RASAL1: variants seen among roughly 807,000 people sequenced by gnomAD.
RASAL1 encodes RAS protein activator like 1, also known as rasGAP-activating-like protein 1.
RASAL1 carries 72 observed loss-of-function variants against 96.6 expected under a neutral mutation model. The observed-to-expected ratio is 0.75, with a 90% CI of 0.62 to 0.91. The LOEUF (loss-of-function observed/expected upper bound fraction) is 0.91. Ranked by LOEUF, RASAL1 falls within the 40% of genes least tolerant of loss-of-function variation. The pLI is 0.00. For missense variants in RASAL1, 1,016 were observed against 1,072.5 expected, an observed-to-expected ratio of 0.95 and a Z score of 0.74; for synonymous variants, 405 against 430.4, an observed-to-expected ratio of 0.94 and a Z score of 0.73.
intron 14 of RASAL1, 68 bp downstream of exon 14, chr12:113,108,017 G>C (rs893657800): frequency 6.5e-7 from 1 of 1,534,804 alleles, no homozygotes; most frequent in Non-Finnish European, 8.7e-7. Flanking sequence ...TGGCCTCCCA[G>C]CTCTGCTCCT....
At chr12:113,126,065 A>C (rs1179845959) in intron 4 of RASAL1, among the ~76,000 whole-genome samples, 1 of 152,136 alleles carries the variant, frequency 6.6e-6, no homozygotes, top group East Asian at 1.9e-4. Context: ...CAGATGGATC[A>C]CTCGAAGTCA....
rs1008599504 is a variant in RASAL1, at chr12:113,112,166, G to C, written c.1294C>G (p.Arg432Gly). ...IVDAIVGSVGRCPPAMRLAFK... is the reference protein window; with the variant it reads ...IVDAIVGSVGGCPPAMRLAFK... ...GCGAGGCGCATGGCGGGCGGGCAGC[G>C]CCCCACGGAGCCCACGATGGCGTCC... is the stretch of plus-strand genomic sequence containing the variant. The change falls in exon 13 of 21, where the codon CGC becomes GGC. Residue 432 changes from arginine (R) to glycine (G), a missense_variant. By Grantham distance (125) the Arg-to-Gly change is moderately radical (BLOSUM62 -2). Transcript: ENST00000548055. 4.2e-5 allele frequency: 53 copies of C among 1,253,876 alleles called. No homozygotes were observed. Among genetic ancestry groups the C allele is most frequent in the Non-Finnish European group, 5.0e-5 (50 of 991,766 alleles). 77.7% of individuals were successfully genotyped at this position (1,253,876 alleles called of 1,614,324 possible). A position where few individuals can be genotyped will look rare whatever the true frequency, so the allele number is the denominator to read the frequency against.
intron 4 of RASAL1, among the ~76,000 whole-genome samples, chr12:113,124,239 A>AAAAT (rs377263513): frequency 6.0e-4 from 83 of 137,714 alleles, no homozygotes; most frequent in Non-Finnish European, 8.8e-4. Context: ...AAAAAAAAAA[A>AAAAT]GTTACCACAA....
At position 113,127,806 on chromosome 12, in the gene RASAL1, G is replaced by A. The variant is rs376869468; in HGVS notation, c.298+6C>T. On this transcript the variant is annotated splice_donor_region_variant and intron_variant, in intron 4 of 20. Coordinates refer to ENST00000548055, the MANE Select transcript of RASAL1 (RefSeq NM_001301202.2). Reference sequence around the variant, plus strand: ...CCTCCTCCCTCTGCCCATGTCCCTCGCCCACCTCGGGGGTCGGCTGTAATC... The same window carrying A: ...CCTCCTCCCTCTGCCCATGTCCCTCACCCACCTCGGGGGTCGGCTGTAATC... 1.5e-5 allele frequency: 24 copies of A among 1,609,276 alleles called. No homozygotes were observed. The highest frequency in any genetic ancestry group is 2.0e-5 in the Non-Finnish European group (23 of 1,176,394).
intron 13 of RASAL1, among the ~76,000 whole-genome samples, chr12:113,111,787 T>A (rs1950872152): frequency 6.6e-6 from 1 of 151,710 alleles, no homozygotes; most frequent in Non-Finnish European, 1.5e-5. Context: ...AGAGACAGGG[T>A]TTCATCATGT....
intron 13 of RASAL1, 143 bp downstream of exon 13, chr12:113,111,943 G>T: frequency 1.4e-6 from 1 of 714,054 alleles, no homozygotes; most frequent in Non-Finnish European, 1.9e-6. Context: ...GACCCTGCCA[G>T]GAACGCTGTC....
rs140071990 is a variant in RASAL1, at chr12:113,104,362, C to A, written c.1831-64G>T. On this transcript the variant is annotated intron_variant, in intron 16 of 20. Coordinates refer to ENST00000548055, the MANE Select transcript of RASAL1 (RefSeq NM_001301202.2). The stretch of plus-strand genomic sequence containing the variant: ...CTAGGGCCGGGGTGGGGACACCTTC[C>A]GTCTGGTTGTGTGCAGCAGGTGGAG... 6.0e-3 allele frequency: 8,895 copies of A among 1,471,418 alleles called. 38 individuals carry two copies. Among genetic ancestry groups the A allele is most frequent in the Non-Finnish European group, 6.7e-3 (7,281 of 1,084,848 alleles). The allele number at this position is 1,471,418 out of a possible 1,614,324, so 91.1% of individuals were successfully genotyped here. A position where few individuals can be genotyped will look rare whatever the true frequency, so the allele number is the denominator to read the frequency against.
At chr12:113,110,275 C>T (rs1950820835) in intron 13 of RASAL1, among the ~76,000 whole-genome samples, 2 of 152,200 alleles carry the variant, frequency 1.3e-5, no homozygotes. Context: ...TGTTTTGCCT[C>T]TCTGGGCCTC....
Position 113,108,123 on chromosome 12 carries a change from CCG to C in RASAL1, c.1472_1473del (p.Ala491GlyfsTer5). 1.2e-6 allele frequency: 2 copies of C among 1,613,762 alleles called. No homozygotes were observed. The highest frequency in any genetic ancestry group is 1.7e-6 in the Non-Finnish European group (2 of 1,179,892). ...AGCAGTGAGCGGCTAGTCTGGGGGTCCGCGTGTTGGTCCCGAAGGTCAAACAG... is the reference window on the plus strand; with the variant it reads ...AGCAGTGAGCGGCTAGTCTGGGGGTCCGTGTTGGTCCCGAAGGTCAAACAG... ...PKLFDLRDQH[A>X]DPQTSRSLLL... On this transcript the variant is annotated frameshift_variant, in exon 14 of 21. Coordinates refer to ENST00000548055, the MANE Select transcript of RASAL1 (RefSeq NM_001301202.2). LOFTEE classifies it high-confidence loss of function.
rs1240670675 is a variant in RASAL1 at position 113,135,428 on chromosome 12, A to G, written c.35T>C (p.Val12Ala). Reference protein sequence around the residue: ...AKSSSLNVRVVEGRALPAKDV... With the variant: ...AKSSSLNVRVAEGRALPAKDV... ...CTTGGCAGGCAGCGCGCGGCCCTCC[A>G]CCACGCGAACATTCAGGGAGCTGCT... Residue 12 changes from valine (V) to alanine (A), a missense_variant, in exon 1 of 21, where the codon GTG becomes GCG. Coordinates refer to ENST00000548055, the MANE Select transcript of RASAL1 (RefSeq NM_001301202.2). This position sits in a 1 kb window ranked among gnomAD's most constrained non-coding sequence, Gnocchi z 5.7. The G allele has an allele frequency of 3.1e-6, 5 of 1,609,944 alleles. No homozygotes were observed. The highest frequency in any genetic ancestry group is 3.4e-6 in the Non-Finnish European group (4 of 1,178,732).
chr12:113,104,755 G>C (rs1950588046), intron 16 of RASAL1, among the ~76,000 whole-genome samples: 1 of 152,164 alleles, frequency 6.6e-6, no homozygotes, highest in South Asian at 2.1e-4. Flanking sequence ...GCCCACCCCG[G>C]CCTCCCAAAG....
chr12:113,117,787 G>T (rs1430975857), intron 7 of RASAL1, among the ~76,000 whole-genome samples: 1 of 152,160 alleles, frequency 6.6e-6, no homozygotes, highest in Non-Finnish European at 1.5e-5. Context: ...GCCTATTCTA[G>T]ACATTTCGTA....
rs750243557 is a variant in RASAL1 at position 113,100,045 on chromosome 12, G to C, written c.2302C>G (p.Arg768Gly). The C allele has an allele frequency of 1.2e-5, 19 of 1,611,792 alleles. No homozygotes were observed. Among genetic ancestry groups the C allele is most frequent in the Non-Finnish European group, 1.6e-5 (19 of 1,178,862 alleles). ...DTGACPEVLA[R>G]QRAATARLLE... ...AGGCGGGCAGTTGCTGCTCTTTGCC[G>C]GGCCAGGACCTCAGGACAGGCCCCT... The change falls in exon 21 of 21, where the codon CGG becomes GGG. Residue 768 changes from arginine (R) to glycine (G), a missense_variant. Transcript: ENST00000548055.
intron 5 of RASAL1, among the ~76,000 whole-genome samples, chr12:113,119,873 T>C (rs2136205036): frequency 6.6e-6 from 1 of 152,198 alleles, no homozygotes; most frequent in Non-Finnish European, 1.5e-5. Context: ...TTTCCTTACC[T>C]GGAAAATGGG....
At position 113,114,914 on chromosome 12, in the gene RASAL1, T is replaced by G. The variant is rs1951018397; in HGVS notation, c.1069-2A>C. 6.2e-7 allele frequency: 1 copy of G among 1,609,706 alleles called. No homozygotes were observed. The highest frequency in any genetic ancestry group is 2.2e-5 in the East Asian group (1 of 44,858). Reference sequence around the variant, plus strand: ...GTGCAGGTAGGGCATGCCCACGAGCTGGGGGCAGGGGGCACCACACGGGGT... The same window carrying G: ...GTGCAGGTAGGGCATGCCCACGAGCGGGGGGCAGGGGGCACCACACGGGGT... On this transcript the variant is annotated splice_acceptor_variant, in intron 11 of 20. Coordinates refer to ENST00000548055, the MANE Select transcript of RASAL1 (RefSeq NM_001301202.2). LOFTEE classifies it high-confidence loss of function.
chr12:113,122,446 C>A (rs1358255730), intron 4 of RASAL1, among the ~76,000 whole-genome samples: 1 of 152,210 alleles, frequency 6.6e-6, no homozygotes, highest in South Asian at 2.1e-4. Flanking sequence ...GCCTCAGCCT[C>A]CCCAGTAACT....
rs765620626 is a variant in RASAL1, at chr12:113,119,318, A to C, written c.510+44T>G. 4.3e-6 allele frequency: 7 copies of C among 1,612,888 alleles called. No homozygotes were observed. In the South Asian group the frequency reaches 6.6e-5, roughly 15 times the overall value. On this transcript the variant is annotated intron_variant, in intron 6 of 20. Transcript: ENST00000548055. ...AGCTGATGGGGACTCCTGCCCCACC[A>C]CCAAATGCCCCACTCCTTCCTGGCT... is the stretch of plus-strand genomic sequence containing the variant.
At position 113,135,269 on chromosome 12, in the gene RASAL1, C is replaced by T. The variant is rs1356958569; in HGVS notation, c.65+129G>A. 4 of 857,260 alleles carry T rather than the reference C, an allele frequency of 4.7e-6. No homozygotes were observed. The highest frequency in any genetic ancestry group is 7.2e-6 in the Non-Finnish European group (4 of 554,174). The allele number at this position is 857,260 out of a possible 1,614,324, so 53.1% of individuals were successfully genotyped here. A position where few individuals can be genotyped will look rare whatever the true frequency, so the allele number is the denominator to read the frequency against. ...TCTCGCCCCTTTAAAGCGGAACTGC[C>T]CCAAGACCAGTCTTGGACAAGAACC... On this transcript the variant is annotated intron_variant, in intron 1 of 20. Coordinates refer to ENST00000548055, the MANE Select transcript of RASAL1 (RefSeq NM_001301202.2). The surrounding 1 kb of genome is among the most constrained non-coding windows in gnomAD (Gnocchi z 5.7).
rs1950378894 is a variant in RASAL1, at chr12:113,099,879, G to A, written c.*50C>T. On this transcript the variant is annotated 3_prime_UTR_variant, in exon 21 of 21. Transcript: ENST00000548055. ...GACTCCCGGGGCAGGATGCGCTGAAGAGGGCCCCCTGGCTCTTGCTCCTCC... is the reference window on the plus strand; with the variant it reads ...GACTCCCGGGGCAGGATGCGCTGAAAAGGGCCCCCTGGCTCTTGCTCCTCC... 1.3e-6 allele frequency: 2 copies of A among 1,575,610 alleles called. No individual in the cohort carries two copies. The highest frequency in any genetic ancestry group is 1.7e-6 in the Non-Finnish European group (2 of 1,157,050).
Sources: gnomAD v4.1 joint callset for allele counts (sites outside exome capture counted in the v4.1 genomes callset) on GRCh38, gnomAD v4.1.1 for gene constraint, Gnocchi (gnomAD v3.1) non-coding constraint, MANE v1.5 for transcripts, NCBI Gene and HGNC (gene_info 2026-07-23, HGNC 2026-07-21) for gene names.